ABHD6: variants seen among roughly 807,000 people sequenced by gnomAD.
ABHD6 encodes the protein abhydrolase domain containing 6, acylglycerol lipase, also known as monoacylglycerol lipase ABHD6.
ABHD6 carries 33 observed loss-of-function variants against 38.8 expected under a neutral mutation model. The observed-to-expected ratio is 0.85, with a 90% CI of 0.64 to 1.14. ABHD6 has a LOEUF of 1.14. ABHD6 is among the 50% of genes most tolerant of loss of function. ABHD6 has a pLI of 0.00. For missense variants in ABHD6, 380 were observed against 422.6 expected, an observed-to-expected ratio of 0.90 and a Z score of 0.88; for synonymous variants, 147 against 161.6, an observed-to-expected ratio of 0.91 and a Z score of 0.69.
intron 7 of ABHD6, among the ~76,000 whole-genome samples, chr3:58,284,283 T>C (rs1238506086): frequency 2.0e-5 from 3 of 152,172 alleles, no homozygotes; most frequent in Non-Finnish European, 4.4e-5. Flanking sequence ...CAAAGGGCTG[T>C]TGAACCCTCC....
chr3:58,250,589 A>T (rs2097429252), intron 2 of ABHD6, among the ~76,000 whole-genome samples: 1 of 152,068 alleles, frequency 6.6e-6, no homozygotes, highest in Non-Finnish European at 1.5e-5. Context: ...GAGGACCTGG[A>T]CCCAGTGTGG....
chr3:58,274,523 A>C, intron 6 of ABHD6, 135 bp from the exon 7 acceptor site: 2 of 933,090 alleles, frequency 2.1e-6, no homozygotes, highest in South Asian at 3.7e-5. Flanking sequence ...TGGCAGTACC[A>C]ACAAAAAAGA....
intron 7 of ABHD6, 90 bp from the exon 8 acceptor site, chr3:58,284,995 A>G (rs1559783614): frequency 9.0e-6 from 11 of 1,220,010 alleles, no homozygotes; most frequent in Non-Finnish European, 1.3e-5. Flanking sequence ...AAATTGCTGG[A>G]CCTCATTCCC....
chr3:58,286,848 G>GTATATATATATATATATATATATA lies in ABHD6; in HGVS notation c.837+1396_837+1397insATATATATATATATATATATATAT, dbSNP rs60071781. 7.7e-4 allele frequency among the ~76,000 whole-genome samples: 54 copies of GTATATATATATATATATATATATA among 70,044 alleles called. 2 individuals are homozygous for GTATATATATATATATATATATATA. In the East Asian group the frequency reaches 0.022, roughly 29 times the overall value. The allele number at this position is 70,044 out of a possible 152,430, so 46.0% of individuals were successfully genotyped here. On this transcript the variant is annotated intron_variant, in intron 9 of 9. Transcript: ENST00000478253. Reference sequence around the variant, plus strand: ...TGTGTGTGTGTGTGTGTGTGTGTGTGTGTGTATATATATATATATATGTAT... The same window carrying GTATATATATATATATATATATATA: ...TGTGTGTGTGTGTGTGTGTGTGTGTGTATATATATATATATATATATATATGTGTATATATATATATATATGTAT...
In ABHD6 at chr3:58,282,746, CAACAAA is replaced by C. The variant is rs1290928961; in HGVS notation, c.682-2328_682-2323del. ...GTGAGACCCTGTCTCAAAAAAACAA[CAACAAA>C]AACAAAAACAGAGGTAGTATATTCT... On this transcript the variant is annotated intron_variant, in intron 7 of 9. Transcript: ENST00000478253. Among the ~76,000 whole-genome samples, 2 of 151,936 alleles carry C rather than the reference CAACAAA, an allele frequency of 1.3e-5. 1 individual carries two copies. Among genetic ancestry groups the C allele is most frequent in the South Asian group, 4.2e-4 (2 of 4,812 alleles).
At chr3:58,283,533 G>A (rs2097454821) in intron 7 of ABHD6, among the ~76,000 whole-genome samples, 1 of 152,208 alleles carries the variant, frequency 6.6e-6, no homozygotes. Flanking sequence ...ATTGATGGAT[G>A]AGAGGATGCC....
chr3:58,273,866 A>G lies in ABHD6; in HGVS notation c.524-792A>G, dbSNP rs371409001. 2.8e-4 allele frequency among the ~76,000 whole-genome samples: 43 copies of G among 152,316 alleles called. No individual in the cohort carries two copies. In the South Asian group the frequency reaches 7.9e-3, roughly 28 times the overall value. ...TGTAACAAACCTGCACGTTCTGCCC[A>G]TGTATCCCAGAACTTAAAGTAAAAA... is the stretch of plus-strand genomic sequence containing the variant. On this transcript the variant is annotated intron_variant, in intron 6 of 9. Coordinates refer to ENST00000478253, the MANE Select transcript of ABHD6 (RefSeq NM_001320126.2). This position sits in a 1 kb window ranked among gnomAD's most constrained non-coding sequence, Gnocchi z 4.8.
chr3:58,293,696 G>C lies in ABHD6; in HGVS notation c.945G>C (p.Lys315Asn). 1 of 1,614,248 alleles carries C rather than the reference G, an allele frequency of 6.2e-7. No individual in the cohort carries two copies. Among genetic ancestry groups the C allele is most frequent in the South Asian group, 1.1e-5 (1 of 91,088 alleles). The change falls in exon 10 of 10, where the codon AAG (lysine) becomes AAC (asparagine). Residue 315 changes from lysine (K) to asparagine (N), a missense_variant. By Grantham distance (94) the Lys-to-Asn change is moderately conservative (BLOSUM62 0). Coordinates refer to ENST00000478253, the MANE Select transcript of ABHD6 (RefSeq NM_001320126.2). The surrounding 1 kb of genome is among the most constrained non-coding windows in gnomAD (Gnocchi z 4.4). ...CAGTAGTGATGGAAAGACCCAGGAA[G>C]ACAGCCAAGCTCATAATCGACTTTT... Reference protein sequence around the residue: ...GHSVVMERPRKTAKLIIDFLA... With the variant: ...GHSVVMERPRNTAKLIIDFLA...
At chr3:58,253,171 T>C (rs1183789990) in intron 2 of ABHD6, among the ~76,000 whole-genome samples, 1 of 152,070 alleles carries the variant, frequency 6.6e-6, no homozygotes, top group Non-Finnish European at 1.5e-5. Context: ...AGAGGGGTTT[T>C]TTTTTTTTGA....
intron 1 of ABHD6, among the ~76,000 whole-genome samples, chr3:58,239,277 T>C (rs752191498): frequency 2.0e-5 from 3 of 152,230 alleles, no homozygotes; most frequent in Non-Finnish European, 4.4e-5. Flanking sequence ...CAAGGGCCTC[T>C]CAGCTTCTGG....
At position 58,273,036 on chromosome 3, in the gene ABHD6, T is replaced by G. The variant is rs1191889468; in HGVS notation, c.524-1622T>G. On this transcript the variant is annotated intron_variant, in intron 6 of 9. Transcript: ENST00000478253. This position sits in a 1 kb window ranked among gnomAD's most constrained non-coding sequence, Gnocchi z 4.8. The stretch of plus-strand genomic sequence containing the variant: ...CATTTAGTTTTTCAACTCATGTCCT[T>G]TTTCTGTTCTGGGATCCAGTCCAGG... 6.6e-6 allele frequency among the ~76,000 whole-genome samples: 1 copy of G among 152,172 alleles called. No homozygotes were observed. The highest frequency in any genetic ancestry group is 1.5e-5 in the Non-Finnish European group (1 of 68,028).
At position 58,256,699 on chromosome 3, in the gene ABHD6, A is replaced by G. The variant is rs1453885550; in HGVS notation, c.113A>G (p.Tyr38Cys). The change falls in exon 3 of 10, where the codon TAT (tyrosine) becomes TGT (cysteine). Residue 38 changes from tyrosine (Y) to cysteine (C), a missense_variant. By Grantham distance (194) the Tyr-to-Cys change is radical (BLOSUM62 -2). Coordinates refer to ENST00000478253, the MANE Select transcript of ABHD6 (RefSeq NM_001320126.2). This position sits in a 1 kb window ranked among gnomAD's most constrained non-coding sequence, Gnocchi z 4.3. ...TGGCCTTCAGCACTGATAAGAATCT[A>G]TTATTGGTAAGCCAGTTTTATCATT... ...LLWPSALIRI[Y>C]YWYWRRTLGM... The G allele has an allele frequency of 1.9e-6, 3 of 1,608,986 alleles. No homozygotes were observed. The highest frequency in any genetic ancestry group is 1.3e-5 in the African/African-American group (1 of 74,888).
intron 7 of ABHD6, among the ~76,000 whole-genome samples, chr3:58,276,975 A>C (rs891363360): frequency 6.6e-6 from 1 of 151,982 alleles, no homozygotes; most frequent in Non-Finnish European, 1.5e-5. Context: ...TTGTCTATAT[A>C]TCTGTTTTTG....
At position 58,293,674 on chromosome 3, in the gene ABHD6, T is replaced by C; in HGVS notation, c.923T>C (p.Val308Ala). Residue 308 changes from valine (V) to alanine (A), a missense_variant, in exon 10 of 10, where the codon GTA (valine) becomes GCA (alanine). By Grantham distance (64) the Val-to-Ala change is moderately conservative. Transcript: ENST00000478253. The surrounding 1 kb of genome is among the most constrained non-coding windows in gnomAD (Gnocchi z 4.4). ...VELLENCGHS[V>A]VMERPRKTAK... ...CTTCTGGAAAACTGTGGGCACTCAG[T>C]AGTGATGGAAAGACCCAGGAAGACA... 6.2e-7 allele frequency: 1 copy of C among 1,614,190 alleles called. No individual in the cohort carries two copies. The highest frequency in any genetic ancestry group is 1.1e-5 in the South Asian group (1 of 91,082).
Position 58,271,766 on chromosome 3 carries a change from G to GTTTTTTTTTT in ABHD6, c.523+717_523+726dup, listed in dbSNP as rs3038091. On this transcript the variant is annotated intron_variant, in intron 6 of 9. Coordinates refer to ENST00000478253, the MANE Select transcript of ABHD6 (RefSeq NM_001320126.2). ...CTCTCCTCTATCTCCCCCTCTCTCT[G>GTTTTTTTTTT]TTTTTTTTTTTTTTTTTTTTTTTTG... 1.0e-3 allele frequency among the ~76,000 whole-genome samples: 64 copies of GTTTTTTTTTT among 63,634 alleles called. 12 individuals are homozygous for GTTTTTTTTTT. Among genetic ancestry groups the GTTTTTTTTTT allele is most frequent in the East Asian group, 2.2e-3 (4 of 1,800 alleles). The allele number at this position is 63,634 out of a possible 152,430, so 41.7% of individuals were successfully genotyped here.
chr3:58,274,722 C>T lies in ABHD6; in HGVS notation c.588C>T (p.Ala196=), dbSNP rs759397255. 34 of 1,614,072 alleles carry T rather than the reference C, an allele frequency of 2.1e-5. No individual in the cohort carries two copies. The highest frequency in any genetic ancestry group is 1.2e-4 in the South Asian group (11 of 91,088). Residue 196 remains alanine (A), a synonymous_variant, in exon 7 of 10, where the codon GCC becomes GCT. Transcript: ENST00000478253. ...QRLKELQGSA[A]VEKIPLIPST... is the part of the protein sequence containing the mutation. ...TCAAAGAACTGCAGGGCTCTGCCGC[C>T]GTGGAGAAGATTCCCTTGATCCCGT...
At chr3:58,290,522 C>A (rs1224387167) in intron 9 of ABHD6, among the ~76,000 whole-genome samples, 1 of 135,294 alleles carries the variant, frequency 7.4e-6, no homozygotes, top group Non-Finnish European at 1.6e-5. Flanking sequence ...CAGGGGCTGA[C>A]CCCCCACCTC....
Position 58,294,359 on chromosome 3 carries a change from A to C in ABHD6, c.*594A>C, listed in dbSNP as rs1427486547. ...TAGCCCTCAGAGCGTCCGGAGCAGC[A>C]GGGTACATGGGTGGGAGGTTCATTC... On this transcript the variant is annotated 3_prime_UTR_variant, in exon 10 of 10. Coordinates refer to ENST00000478253, the MANE Select transcript of ABHD6 (RefSeq NM_001320126.2). The C allele has an allele frequency of 6.5e-6, 1 of 152,838 alleles. No homozygotes were observed. Among genetic ancestry groups the C allele is most frequent in the Non-Finnish European group, 1.5e-5 (1 of 68,180 alleles). The allele number at this position is 152,838 out of a possible 1,614,324, so 9.5% of individuals were successfully genotyped here.
At chr3:58,255,873 G>A (rs1469749503) in intron 2 of ABHD6, among the ~76,000 whole-genome samples, 2 of 151,954 alleles carry the variant, frequency 1.3e-5, no homozygotes, top group African/African-American at 4.8e-5. Context: ...TCGAACTCCT[G>A]ACCTTAAGTG....
Sources: allele counts gnomAD v4.1 joint callset (sites outside exome capture counted in the v4.1 genomes callset), GRCh38; gene constraint gnomAD v4.1.1; non-coding constraint Gnocchi (gnomAD v3.1); transcripts MANE v1.5; gene names NCBI Gene and HGNC (gene_info 2026-07-23, HGNC 2026-07-21).